Variants in FBRSL1 observed in about 807,000 individuals in gnomAD.
FBRSL1 encodes fibrosin-1-like protein.
Under a neutral mutation model 89.6 loss-of-function variants are expected in FBRSL1, and 51 were observed. The ratio of observed to expected loss-of-function variants is 0.57; its 90% confidence interval spans 0.45 to 0.72. The LOEUF (loss-of-function observed/expected upper bound fraction) is 0.72. Among genes scored for constraint, FBRSL1 ranks in the 30% least tolerant of loss-of-function variants. The pLI is 0.00. For missense variants in FBRSL1, 1,618 were observed against 1,451.8 expected, an observed-to-expected ratio of 1.11 and a Z score of -1.86; for synonymous variants, 779 against 681.1, an observed-to-expected ratio of 1.14 and a Z score of -2.24.
chr12:132,537,781 C>T (rs1046564413), intron 4 of FBRSL1, among the ~76,000 whole-genome samples: 5 of 152,218 alleles, frequency 3.3e-5, no homozygotes, highest in South Asian at 2.1e-4. Flanking sequence ...GCCGCCCACA[C>T]GTGTGCCTGC....
In FBRSL1 at chr12:132,583,374, GC is replaced by G. The variant is rs1566257864; in HGVS notation, c.2610del (p.Ala871ProfsTer90). On this transcript the variant is annotated frameshift_variant, in exon 19 of 19. Transcript: ENST00000680143. LOFTEE classifies it high-confidence loss of function. ...ELPRRAFPAAAPAPGSAALLE... is the reference protein window; with the variant it reads ...ELPRRAFPAAXPAPGSAALLE... ...GCCACGTCGCGCCTTCCCCGCTGCC[GC>G]CCCCGCCCCGGGCTCCGCCGCCCTC... 7 of 1,098,906 alleles carry G rather than the reference GC, an allele frequency of 6.4e-6. No homozygotes were observed. Among genetic ancestry groups the G allele is most frequent in the South Asian group, 3.0e-5 (1 of 33,274 alleles). The allele number at this position is 1,098,906 out of a possible 1,614,324, so 68.1% of individuals were successfully genotyped here. A position where few individuals can be genotyped will look rare whatever the true frequency, so the allele number is the denominator to read the frequency against.
At position 132,499,768 on chromosome 12, in the gene FBRSL1, C is replaced by T. The variant is rs574920584; in HGVS notation, c.292-8385C>T. ...CACCTAAACTCCGTGAGATCAGGTG[C>T]TCTGGGGACTCAGGGCAAATGGGGT... On this transcript the variant is annotated intron_variant, in intron 1 of 18. Transcript: ENST00000680143. This position sits in a 1 kb window ranked among gnomAD's most constrained non-coding sequence, Gnocchi z 4.3. 6.6e-6 allele frequency among the ~76,000 whole-genome samples: 1 copy of T among 152,202 alleles called. No homozygotes were observed. The highest frequency in any genetic ancestry group is 2.4e-5 in the African/African-American group (1 of 41,520).
chr12:132,525,614 G>A, intron 2 of FBRSL1, 120 bp from the exon 3 acceptor site: 1 of 770,586 alleles, frequency 1.3e-6, no homozygotes, highest in Non-Finnish European at 2.2e-6. Context: ...GCGGCTGTCG[G>A]GGCGCCTGGG....
chr12:132,583,145 G>C lies in FBRSL1; in HGVS notation c.2376G>C (p.Glu792Asp). The C allele has an allele frequency of 2.7e-6, 4 of 1,465,616 alleles. No homozygotes were observed. The highest frequency in any genetic ancestry group is 3.6e-6 in the Non-Finnish European group (4 of 1,113,072). 90.8% of individuals were successfully genotyped at this position (1,465,616 alleles called of 1,614,324 possible). ...AGAGCCGCTCCCCGGCCAAGGAGGA[G>C]GCCGCCAAGATGCCCGCGCGCGCAT... ...VKESRSPAKE[E>D]AAKMPARASP... The change falls in exon 19 of 19, where the codon GAG becomes GAC. Residue 792 changes from glutamate (E) to aspartate (D), a missense_variant. By Grantham distance (45) the Glu-to-Asp change is conservative (BLOSUM62 2). Transcript: ENST00000680143.
intron 5 of FBRSL1, among the ~76,000 whole-genome samples, chr12:132,549,953 C>T (rs1356756521): frequency 6.6e-6 from 1 of 152,176 alleles, no homozygotes. Flanking sequence ...TCTGAGACGC[C>T]CAAGCAGCCC....
intron 2 of FBRSL1, 37 bp from the exon 3 acceptor site, chr12:132,525,696 TG>T: frequency 2.0e-6 from 3 of 1,504,924 alleles, no homozygotes; most frequent in South Asian, 2.4e-5. Context: ...CGCGGTGAGG[TG>T]GGGGTTTGCC....
intron 9 of FBRSL1, 128 bp from the exon 10 acceptor site, chr12:132,572,160 C>A (rs2040067563): frequency 2.5e-6 from 2 of 810,214 alleles, no homozygotes; most frequent in Non-Finnish European, 3.9e-6. Context: ...GACGGCTGGC[C>A]GAAGCCGCCA....
chr12:132,497,377 G>A lies in FBRSL1; in HGVS notation c.291+6516G>A, dbSNP rs190930300. Among the ~76,000 whole-genome samples the A allele has an allele frequency of 1.3e-3, 192 of 152,032 alleles. 1 individual carries two copies. Among genetic ancestry groups the A allele is most frequent in the African/African-American group, 4.5e-3 (187 of 41,440 alleles). The stretch of plus-strand genomic sequence containing the variant: ...CTCAGGAGGGCCCTCTAAGTAGGAG[G>A]ACCACAGAGCTGGCCCAAGGTCCCA... On this transcript the variant is annotated intron_variant, in intron 1 of 18. Transcript: ENST00000680143.
chr12:132,543,008 G>A (rs1167425794), intron 4 of FBRSL1, among the ~76,000 whole-genome samples: 1 of 152,224 alleles, frequency 6.6e-6, no homozygotes, highest in African/African-American at 2.4e-5. Context: ...AGGCCTGGGT[G>A]ATGGGGGCCA....
At chr12:132,498,871 G>C in intron 1 of FBRSL1, among the ~76,000 whole-genome samples, 1 of 152,366 alleles carries the variant, frequency 6.6e-6, no homozygotes, top group East Asian at 1.9e-4. Context: ...ACTGAGGCTT[G>C]GCCATGGTAC....
chr12:132,516,724 G>A, intron 2 of FBRSL1, among the ~76,000 whole-genome samples: 1 of 152,194 alleles, frequency 6.6e-6, no homozygotes. Flanking sequence ...AAAGCCGCCT[G>A]TAAATAACTT....
chr12:132,571,742 T>C, intron 9 of FBRSL1: 1 of 361,436 alleles, frequency 2.8e-6, no homozygotes, highest in South Asian at 7.7e-5. Context: ...GTCCTGGACT[T>C]AGGCAGGCAC....
rs1254415898 is a variant in FBRSL1 at position 132,546,298 on chromosome 12, C to T, written c.616-1705C>T. ...CCACCAGCAAAGCTGGTCTGCATGT[C>T]GGGGTCCTGTGGCCCAGCCCTTGGT... On this transcript the variant is annotated intron_variant, in intron 4 of 18. Coordinates refer to ENST00000680143, the MANE Select transcript of FBRSL1 (RefSeq NM_001367871.1). This position sits in a 1 kb window ranked among gnomAD's most constrained non-coding sequence, Gnocchi z 4.0. Among the ~76,000 whole-genome samples, 2 of 152,242 alleles carry T rather than the reference C, an allele frequency of 1.3e-5. No individual in the cohort carries two copies. Among genetic ancestry groups the T allele is most frequent in the East Asian group, 1.9e-4 (1 of 5,200 alleles).
chr12:132,581,951 C>A (rs2040784984), intron 17 of FBRSL1, 111 bp from the exon 18 acceptor site: 5 of 1,288,512 alleles, frequency 3.9e-6, no homozygotes, highest in Non-Finnish European at 4.2e-6. Flanking sequence ...CTTGGGGCAC[C>A]CCCTTCTCAG....
intron 15 of FBRSL1, chr12:132,581,102 G>A: frequency 1.0e-6 from 1 of 985,462 alleles, no homozygotes; most frequent in Non-Finnish European, 1.2e-6. Context: ...AAGGCTTCAG[G>A]AGTGGTCCGA....
rs1350151871 is a variant in FBRSL1, at chr12:132,546,686, G to A, written c.616-1317G>A. ...ACACAGCCGGGACAGACAGCCTGGG[G>A]GAGCCTGTCAGCCTCAGGAGACCCC... On this transcript the variant is annotated intron_variant, in intron 4 of 18. Transcript: ENST00000680143. The surrounding 1 kb of genome is among the most constrained non-coding windows in gnomAD (Gnocchi z 4.0). Among the ~76,000 whole-genome samples, 2 of 152,182 alleles carry A rather than the reference G, an allele frequency of 1.3e-5. No homozygotes were observed. Among genetic ancestry groups the A allele is most frequent in the African/African-American group, 2.4e-5 (1 of 41,454 alleles).
At chr12:132,495,162 G>A (rs2031792883) in intron 1 of FBRSL1, among the ~76,000 whole-genome samples, 1 of 152,250 alleles carries the variant, frequency 6.6e-6, no homozygotes, top group South Asian at 2.1e-4. Context: ...ACACTGCCCT[G>A]CCCTGCATCC....
intron 2 of FBRSL1, among the ~76,000 whole-genome samples, chr12:132,513,701 G>A (rs940817451): frequency 1.3e-5 from 2 of 152,200 alleles, no homozygotes; most frequent in African/African-American, 4.8e-5. Context: ...CGAGGGCAGT[G>A]GTTGGTTTGT....
At chr12:132,552,804 C>T (rs2038300677) in intron 5 of FBRSL1, 3 of 159,892 alleles carry the variant, frequency 1.9e-5, no homozygotes, top group Admixed American at 6.6e-5. Context: ...AGGCCCCTGC[C>T]GTGGACACTC....
Sources: gnomAD v4.1 joint callset for allele counts (sites outside exome capture counted in the v4.1 genomes callset) on GRCh38, gnomAD v4.1.1 for gene constraint, Gnocchi (gnomAD v3.1) non-coding constraint, MANE v1.5 for transcripts, NCBI Gene and HGNC (gene_info 2026-07-23, HGNC 2026-07-21) for gene names.